Variants in PTPRN2 observed in about 807,000 individuals in gnomAD.
PTPRN2 encodes the protein receptor-type tyrosine-protein phosphatase N2.
In PTPRN2, 74 loss-of-function variants were observed where a neutral mutation model predicts 118.8. The observed-to-expected ratio is 0.62, with a 90% CI of 0.52 to 0.76. The LOEUF is 0.76. Ranked by LOEUF, PTPRN2 falls within the 30% of genes least tolerant of loss-of-function variation. The probability of loss-of-function intolerance (pLI) is 0.00; values close to 1 mark genes in which losing one functional copy is unlikely to be tolerated. For synonymous variants in PTPRN2, 641 were observed against 608.0 expected (o/e 1.05, Z -0.80); for missense variants, 1,481 against 1,394.4 (o/e 1.06, Z -0.99).
intron 12 of PTPRN2, among the ~76,000 whole-genome samples, chr7:157,879,372 C>T (rs1392391937): frequency 2.0e-5 from 3 of 152,222 alleles, no homozygotes; most frequent in African/African-American, 4.8e-5. Flanking sequence ...CACGCATGCA[C>T]GTGCATGTGC....
intron 12 of PTPRN2, among the ~76,000 whole-genome samples, chr7:157,689,105 C>T (rs1273426129): frequency 6.6e-6 from 1 of 152,180 alleles, no homozygotes; most frequent in Non-Finnish European, 1.5e-5. Context: ...CCGCCACCGC[C>T]GCCGTCTTCT....
chr7:158,332,360 C>G (rs1214478990), intron 2 of PTPRN2, among the ~76,000 whole-genome samples: 3 of 150,602 alleles, frequency 2.0e-5, no homozygotes, highest in East Asian at 2.0e-4. Flanking sequence ...CACACCCACA[C>G]TCTCACCATA....
intron 12 of PTPRN2, among the ~76,000 whole-genome samples, chr7:157,709,678 C>T (rs865805741): frequency 1.1e-4 from 16 of 152,236 alleles, no homozygotes; most frequent in East Asian, 1.9e-4. Flanking sequence ...GGGTTTAACA[C>T]GCCTGCTCCA....
intron 5 of PTPRN2, among the ~76,000 whole-genome samples, chr7:158,189,944 G>A (rs570632660): frequency 2.0e-5 from 3 of 152,364 alleles, no homozygotes; most frequent in African/African-American, 7.2e-5. Context: ...GCTGTGCTGA[G>A]ACCTGCTCTG....
chr7:158,459,495 C>T (rs1818806611), intron 2 of PTPRN2, among the ~76,000 whole-genome samples: 1 of 152,216 alleles, frequency 6.6e-6, no homozygotes, highest in Admixed American at 6.5e-5. Context: ...TGCACCACCC[C>T]TACCTATTAC....
At chr7:158,122,509 G>A (rs1311290581) in intron 9 of PTPRN2, among the ~76,000 whole-genome samples, 3 of 152,132 alleles carry the variant, frequency 2.0e-5, no homozygotes, top group Non-Finnish European at 4.4e-5. Context: ...AAATGACTAC[G>A]GGAGTGTCAC....
intron 11 of PTPRN2, among the ~76,000 whole-genome samples, chr7:157,919,664 T>A (rs1031926603): frequency 2.0e-5 from 3 of 152,196 alleles, no homozygotes; most frequent in African/African-American, 7.2e-5. Flanking sequence ...ACACCTCAAA[T>A]TCTAAAATTA....
intron 21 of PTPRN2, among the ~76,000 whole-genome samples, chr7:157,554,293 G>A (rs1318475812): frequency 2.7e-5 from 1 of 37,304 alleles, no homozygotes. Flanking sequence ...GCATGGGTGC[G>A]GCCAGGCCGG....
At chr7:157,614,190 C>T (rs1299085992) in intron 15 of PTPRN2, 3 of 453,384 alleles carry the variant, frequency 6.6e-6, no homozygotes, top group African/African-American at 2.0e-5. Context: ...GAGCTCAGGG[C>T]CAAGGCAGGG....
At position 158,248,359 on chromosome 7, in the gene PTPRN2, C is replaced by T. The variant is rs140250086; in HGVS notation, c.278-43086G>A. Reference sequence around the variant, plus strand: ...GCAGCCAGGAAGGAGTGGGGTACCCCGACCACGTGGGGACACAGCCCTCCC... The same window carrying T: ...GCAGCCAGGAAGGAGTGGGGTACCCTGACCACGTGGGGACACAGCCCTCCC... On this transcript the variant is annotated intron_variant, in intron 3 of 22. Coordinates refer to ENST00000389418, the MANE Select transcript of PTPRN2 (RefSeq NM_002847.5). Among the ~76,000 whole-genome samples the T allele has an allele frequency of 4.6e-5, 7 of 152,282 alleles. No individual in the cohort carries two copies. In the East Asian group the frequency reaches 7.7e-4, roughly 17 times the overall value.
intron 8 of PTPRN2, among the ~76,000 whole-genome samples, chr7:158,134,394 CTG>C (rs1429751609): frequency 3.9e-5 from 6 of 152,210 alleles, no homozygotes; most frequent in South Asian, 2.1e-4. Context: ...TAAAAATAAA[CTG>C]TGTGATATCA....
chr7:158,552,175 G>T (rs1161930986), intron 1 of PTPRN2, among the ~76,000 whole-genome samples: 5 of 147,476 alleles, frequency 3.4e-5, no homozygotes, highest in African/African-American at 1.3e-4. Context: ...CATTTGGGGG[G>T]CCCCAGCTCC....
chr7:157,564,809 C>T (rs1004911813), intron 21 of PTPRN2, among the ~76,000 whole-genome samples: 10 of 152,216 alleles, frequency 6.6e-5, no homozygotes, highest in African/African-American at 1.4e-4. Flanking sequence ...GTGGCGATTC[C>T]GCCCCAGGGA....
chr7:158,447,177 A>G (rs893771222), intron 2 of PTPRN2, among the ~76,000 whole-genome samples: 3 of 152,176 alleles, frequency 2.0e-5, no homozygotes, highest in Admixed American at 6.5e-5. Context: ...GCCAATCTGG[A>G]GTTCCTCTCT....
intron 11 of PTPRN2, among the ~76,000 whole-genome samples, chr7:158,077,747 G>A (rs1812490358): frequency 6.6e-6 from 1 of 152,266 alleles, no homozygotes. Flanking sequence ...CTGCAGACTG[G>A]GAGCCAGCAA....
intron 12 of PTPRN2, among the ~76,000 whole-genome samples, chr7:157,709,780 GC>G (rs1461634412): frequency 6.6e-6 from 1 of 152,234 alleles, no homozygotes; most frequent in Non-Finnish European, 1.5e-5. Context: ...TCCACGGATG[GC>G]TGGGACAGAG....
intron 6 of PTPRN2, among the ~76,000 whole-genome samples, chr7:158,150,665 AG>A (rs1419676180): frequency 2.0e-5 from 3 of 151,814 alleles, no homozygotes; most frequent in Admixed American, 6.6e-5. Flanking sequence ...AACATAACCC[AG>A]GGGGGTCACT....
At chr7:158,342,142 G>T (rs567333309) in intron 2 of PTPRN2, among the ~76,000 whole-genome samples, 1 of 144,158 alleles carries the variant, frequency 6.9e-6, no homozygotes, top group Admixed American at 7.0e-5. Context: ...GCTGTCGCCC[G>T]CAGAGGTCAC....
chr7:158,328,893 G>T (rs1029081324), intron 2 of PTPRN2, among the ~76,000 whole-genome samples: 4 of 136,980 alleles, frequency 2.9e-5, no homozygotes, highest in African/African-American at 8.4e-5. Context: ...TGTTCCTCTC[G>T]CCACCCAGGG....
Sources: allele counts gnomAD v4.1 joint callset (sites outside exome capture counted in the v4.1 genomes callset), GRCh38; gene constraint gnomAD v4.1.1; transcripts MANE v1.5; gene names NCBI Gene and HGNC (gene_info 2026-07-23, HGNC 2026-07-21).